The following CREBL2 variants were observed in gnomAD, a reference collection of about 807,000 sequenced individuals.
CREBL2 encodes the protein cAMP responsive element binding protein like 2.
In CREBL2, 4 loss-of-function variants were observed where a neutral mutation model predicts 19.5. The ratio of observed to expected loss-of-function variants is 0.20; its 90% confidence interval spans 0.10 to 0.47. The LOEUF is 0.47. Ranked by LOEUF, CREBL2 falls within the 20% of genes least tolerant of loss-of-function variation. CREBL2 has a pLI of 0.98. For missense variants in CREBL2, 85 were observed against 145.1 expected (o/e 0.59, Z 2.13); for synonymous variants, 42 against 46.6 (o/e 0.90, Z 0.40).
intron 1 of CREBL2, among the ~76,000 whole-genome samples, chr12:12,612,661 A>G (rs1284620264): frequency 3.9e-5 from 6 of 152,102 alleles, no homozygotes; most frequent in African/African-American, 1.4e-4. Flanking sequence ...TGGTTGGAAC[A>G]CCGCTAAGCT....
chr12:12,613,981 CTTTTTTTTCTTT>C (rs1288549054), intron 1 of CREBL2, among the ~76,000 whole-genome samples: 44 of 93,370 alleles, frequency 4.7e-4, no homozygotes, highest in African/African-American at 1.7e-3. Flanking sequence ...TTTCTTTTTT[CTTTTTTTTCTTT>C]TTTTTTTTTT....
intron 1 of CREBL2, among the ~76,000 whole-genome samples, chr12:12,632,073 T>C (rs1945445883): frequency 2.5e-5 from 3 of 119,614 alleles, no homozygotes; most frequent in Non-Finnish European, 3.5e-5. Flanking sequence ...CCTTTCTTTT[T>C]TTTTTTTTTT....
chr12:12,616,332 A>G (rs904841902), intron 1 of CREBL2, among the ~76,000 whole-genome samples: 4 of 152,244 alleles, frequency 2.6e-5, no homozygotes, highest in Non-Finnish European at 4.4e-5. Context: ...TTAGCCTGAA[A>G]GAGTGAAGTT....
intron 3 of CREBL2, among the ~76,000 whole-genome samples, chr12:12,638,802 CCAT>C (rs1191118000): frequency 1.3e-5 from 2 of 152,118 alleles, no homozygotes; most frequent in African/African-American, 4.8e-5. Context: ...GTGCAGTAGC[CCAT>C]CATCGTAAGG....
At chr12:12,625,358 C>T (rs1193482428) in intron 1 of CREBL2, among the ~76,000 whole-genome samples, 3 of 152,128 alleles carry the variant, frequency 2.0e-5, no homozygotes, top group Non-Finnish European at 4.4e-5. Context: ...TGGAGAATCA[C>T]AATAGCAGAG....
chr12:12,629,672 G>T (rs1204090771), intron 1 of CREBL2, among the ~76,000 whole-genome samples: 1 of 152,082 alleles, frequency 6.6e-6, no homozygotes, highest in African/African-American at 2.4e-5. Flanking sequence ...AGACAAGATT[G>T]TTGCCTTATT....
At chr12:12,641,241 A>ATTTTT (rs1945514504) in intron 3 of CREBL2, among the ~76,000 whole-genome samples, 1 of 15,462 alleles carries the variant, frequency 6.5e-5, no homozygotes, top group African/African-American at 1.1e-4. Context: ...TATTATTATT[A>ATTTTT]TTATTATTAT....
intron 1 of CREBL2, among the ~76,000 whole-genome samples, chr12:12,623,144 G>A (rs1945373461): frequency 7.0e-6 from 1 of 142,620 alleles, no homozygotes; most frequent in Non-Finnish European, 1.5e-5. Context: ...AGTTGTTGGT[G>A]ATAGTAGTAT....
At chr12:12,629,250 A>T (rs1306850174) in intron 1 of CREBL2, among the ~76,000 whole-genome samples, 2 of 152,144 alleles carry the variant, frequency 1.3e-5, no homozygotes, top group African/African-American at 4.8e-5. Context: ...GCCCACTAAC[A>T]TGGGCTGCCT....
rs772474071 is a variant in CREBL2, at chr12:12,637,645, CAGAACAAA to C, written c.290_297del (p.Gln97LeufsTer17). 2.5e-6 allele frequency: 4 copies of C among 1,613,432 alleles called. No individual in the cohort carries two copies. The African/African-American group carries it at 5.3e-5, about 22-fold the overall frequency. On this transcript the variant is annotated frameshift_variant, in exon 3 of 4. Transcript: ENST00000228865. LOFTEE classifies it high-confidence loss of function. ...AAAGGCCCTACTCACTGGAGAAGAGCAGAACAAATCTCAGCAGAACTCAAGCAGGCATA... is the reference window on the plus strand; with the variant it reads ...AAAGGCCCTACTCACTGGAGAAGAGCTCTCAGCAGAACTCAAGCAGGCATA...
chr12:12,612,141 G>T lies in CREBL2; in HGVS notation c.-32G>T, dbSNP rs1176182070. The T allele has an allele frequency of 6.2e-7, 1 of 1,610,506 alleles. No homozygotes were observed. Among genetic ancestry groups the T allele is most frequent in the Admixed American group, 1.7e-5 (1 of 60,030 alleles). On this transcript the variant is annotated 5_prime_UTR_variant, in exon 1 of 4. Coordinates refer to ENST00000228865, the MANE Select transcript of CREBL2 (RefSeq NM_001310.4). Reference sequence around the variant, plus strand: ...TGAGCCGGGGGAGGGCTCCGGGAGGGAGTGCCTGGCCAGGCCGGCCTGTCT... The same window carrying T: ...TGAGCCGGGGGAGGGCTCCGGGAGGTAGTGCCTGGCCAGGCCGGCCTGTCT...
chr12:12,618,391 TG>T (rs1294378483), intron 1 of CREBL2, among the ~76,000 whole-genome samples: 2 of 149,516 alleles, frequency 1.3e-5, no homozygotes, highest in South Asian at 4.2e-4. Context: ...AGATCCCAGA[TG>T]GGGTCATGGT....
chr12:12,638,924 C>T (rs559906829), intron 3 of CREBL2, among the ~76,000 whole-genome samples: 16 of 152,230 alleles, frequency 1.1e-4, no homozygotes, highest in South Asian at 2.1e-4. Flanking sequence ...AACTTTTAAT[C>T]ACCTCAAAAG....
In CREBL2 at chr12:12,644,527, A is replaced by G. The variant is rs1945549954; in HGVS notation, c.*2529A>G. The G allele has an allele frequency of 6.6e-6, 1 of 152,662 alleles. No homozygotes were observed. Among genetic ancestry groups the G allele is most frequent in the Admixed American group, 6.5e-5 (1 of 15,278 alleles). The allele number at this position is 152,662 out of a possible 1,614,324, so 9.5% of individuals were successfully genotyped here. ...GAAAATATATTTGTATGTTTAGACC[A>G]GCCAAATTCTGTCATTATTTTAGTA... On this transcript the variant is annotated 3_prime_UTR_variant, in exon 4 of 4. Transcript: ENST00000228865.
rs758897834 is a variant in CREBL2 at position 12,635,765 on chromosome 12, C to G, written c.16-12C>G. The G allele has an allele frequency of 1.2e-6, 2 of 1,601,044 alleles. No individual in the cohort carries two copies. Among genetic ancestry groups the G allele is most frequent in the East Asian group, 2.2e-5 (1 of 44,760 alleles). Reference sequence around the variant, plus strand: ...CTAAGGAAAAAATTATTTCTTCTCTCGCTTGCTGAAGGTGGTTGGAGGCAA... The same window carrying G: ...CTAAGGAAAAAATTATTTCTTCTCTGGCTTGCTGAAGGTGGTTGGAGGCAA... On this transcript the variant is annotated splice_polypyrimidine_tract_variant and intron_variant, in intron 1 of 3. Transcript: ENST00000228865.
At chr12:12,625,541 T>C (rs1366903742) in intron 1 of CREBL2, among the ~76,000 whole-genome samples, 1 of 152,216 alleles carries the variant, frequency 6.6e-6, no homozygotes. Context: ...CAGGAAATTA[T>C]ATGATCAGAT....
Position 12,644,607 on chromosome 12 carries a change from G to A in CREBL2, c.*2609G>A, listed in dbSNP as rs1945550550. On this transcript the variant is annotated 3_prime_UTR_variant, in exon 4 of 4. Coordinates refer to ENST00000228865, the MANE Select transcript of CREBL2 (RefSeq NM_001310.4). ...TATAATATGGAATAAGTTTGACCAGGTCAAGTTTTAGGATATAGTTGAATT... is the reference window on the plus strand; with the variant it reads ...TATAATATGGAATAAGTTTGACCAGATCAAGTTTTAGGATATAGTTGAATT... 1 of 152,580 alleles carries A rather than the reference G, an allele frequency of 6.6e-6. No homozygotes were observed. Among genetic ancestry groups the A allele is most frequent in the Admixed American group, 6.5e-5 (1 of 15,278 alleles). The allele number at this position is 152,580 out of a possible 1,614,324, so 9.5% of individuals were successfully genotyped here.
chr12:12,634,227 C>T (rs1945459176), intron 1 of CREBL2, among the ~76,000 whole-genome samples: 1 of 152,228 alleles, frequency 6.6e-6, no homozygotes, highest in African/African-American at 2.4e-5. Flanking sequence ...TGTGTAAGTT[C>T]AGGTTCAAGT....
intron 1 of CREBL2, among the ~76,000 whole-genome samples, chr12:12,617,169 C>G (rs1044335129): frequency 3.9e-5 from 6 of 152,096 alleles, no homozygotes; most frequent in African/African-American, 1.4e-4. Context: ...ATAAAGTACT[C>G]ATTTATAGAG....
Sources: allele counts gnomAD v4.1 joint callset (sites outside exome capture counted in the v4.1 genomes callset), GRCh38; gene constraint gnomAD v4.1.1; transcripts MANE v1.5; gene names NCBI Gene and HGNC (gene_info 2026-07-23, HGNC 2026-07-21).